The following DGKG variants were observed in gnomAD, a reference collection of about 807,000 sequenced individuals.
DGKG encodes the protein DAG kinase gamma.
A neutral mutation model predicts 105.3 loss-of-function variants in DGKG; 78 were observed. That is an observed-to-expected ratio of 0.74 (90% CI 0.62 to 0.89). The LOEUF is 0.89. Ranked by LOEUF, DGKG falls within the 40% of genes least tolerant of loss-of-function variation. The pLI, the probability that DGKG is intolerant of heterozygous loss-of-function variation, is 0.00. For synonymous variants in DGKG, 346 were observed against 367.1 expected (o/e 0.94, Z 0.66); for missense variants, 958 against 1,020.1 (o/e 0.94, Z 0.83).
intron 22 of DGKG, among the ~76,000 whole-genome samples, chr3:186,180,032 T>A (rs1476944950): frequency 6.6e-6 from 1 of 152,138 alleles, no homozygotes; most frequent in East Asian, 1.9e-4. Flanking sequence ...GGCACAGGGA[T>A]ACAGAAGGGA....
chr3:186,213,193 G>A (rs932083452), intron 20 of DGKG, among the ~76,000 whole-genome samples: 10 of 152,332 alleles, frequency 6.6e-5, no homozygotes, highest in Admixed American at 6.5e-4. Flanking sequence ...AGCAAGCTCT[G>A]GGAATTATGC....
At chr3:186,207,952 A>G in intron 21 of DGKG, among the ~76,000 whole-genome samples, 1 of 152,240 alleles carries the variant, frequency 6.6e-6, no homozygotes, top group East Asian at 1.9e-4. Flanking sequence ...CGTTTCAGAG[A>G]TGAGACCAAG....
chr3:186,188,451 T>C, intron 21 of DGKG, 72 bp from the exon 22 acceptor site: 2 of 1,394,368 alleles, frequency 1.4e-6, no homozygotes, highest in African/African-American at 2.9e-5. Context: ...TCTGTGTGTG[T>C]GCGTGCGTGT....
intron 11 of DGKG, among the ~76,000 whole-genome samples, chr3:186,269,197 G>T (rs1374285603): frequency 2.0e-5 from 3 of 152,238 alleles, no homozygotes; most frequent in East Asian, 1.9e-4. Context: ...GCAGCATCTT[G>T]TCTGGCAGTC....
intron 20 of DGKG, among the ~76,000 whole-genome samples, chr3:186,232,095 A>G (rs946883867): frequency 1.3e-5 from 2 of 152,246 alleles, no homozygotes; most frequent in Non-Finnish European, 2.9e-5. Flanking sequence ...ACCCTGCACG[A>G]TAGTAGAGCT....
chr3:186,228,083 A>G (rs529548481), intron 20 of DGKG, among the ~76,000 whole-genome samples: 2 of 152,346 alleles, frequency 1.3e-5, no homozygotes, highest in African/African-American at 4.8e-5. Context: ...CCCTGAAGGC[A>G]TCTGAAATTG....
chr3:186,344,579 G>A (rs1726241576), intron 1 of DGKG, among the ~76,000 whole-genome samples: 1 of 152,038 alleles, frequency 6.6e-6, no homozygotes, highest in Non-Finnish European at 1.5e-5. Context: ...CAACAGACAC[G>A]GATTCTACTT....
intron 20 of DGKG, among the ~76,000 whole-genome samples, chr3:186,236,954 T>C (rs1720449017): frequency 6.6e-6 from 1 of 152,242 alleles, no homozygotes; most frequent in South Asian, 2.1e-4. Flanking sequence ...AGACACTCAC[T>C]GACAGTGACA....
intron 1 of DGKG, among the ~76,000 whole-genome samples, chr3:186,323,771 C>T (rs969711914): frequency 6.6e-6 from 1 of 151,912 alleles, no homozygotes; most frequent in Admixed American, 6.6e-5. Flanking sequence ...CCCGTCTCTA[C>T]TAAAAACACA....
chr3:186,219,330 C>T (rs774599403), intron 20 of DGKG, among the ~76,000 whole-genome samples: 23 of 152,106 alleles, frequency 1.5e-4, no homozygotes, highest in Non-Finnish European at 2.6e-4. Flanking sequence ...ATCTAATCCA[C>T]GCTGCATGCT....
intron 20 of DGKG, among the ~76,000 whole-genome samples, chr3:186,237,808 T>C (rs1399676041): frequency 6.7e-6 from 1 of 150,152 alleles, no homozygotes; most frequent in Non-Finnish European, 1.5e-5. Context: ...GTTAGTTGAC[T>C]TGGTTTCTTC....
At chr3:186,259,680 C>T (rs1459705002) in intron 16 of DGKG, among the ~76,000 whole-genome samples, 2 of 151,968 alleles carry the variant, frequency 1.3e-5, no homozygotes, top group Non-Finnish European at 2.9e-5. Context: ...CCAGAGTATG[C>T]AGACAGCCCC....
At chr3:186,331,765 G>C (rs940018898) in intron 1 of DGKG, among the ~76,000 whole-genome samples, 1 of 152,190 alleles carries the variant, frequency 6.6e-6, no homozygotes, top group South Asian at 2.1e-4. Context: ...ACAATCTGAG[G>C]ATTGGTCATT....
chr3:186,265,636 C>A (rs7616641), intron 13 of DGKG, among the ~76,000 whole-genome samples: 37,726 of 146,012 alleles, frequency 0.26, 4,874 homozygotes, highest in South Asian at 0.3. Flanking sequence ...TTAGACTTGG[C>A]GACTTGGCTT....
chr3:186,194,704 C>G (rs1001833777), intron 21 of DGKG, among the ~76,000 whole-genome samples: 19 of 151,280 alleles, frequency 1.3e-4, no homozygotes, highest in Admixed American at 6.6e-5. Flanking sequence ...CTCCGGGAGG[C>G]ATGTGTCCCC....
At chr3:186,214,667 C>T (rs956520655) in intron 20 of DGKG, among the ~76,000 whole-genome samples, 8 of 152,158 alleles carry the variant, frequency 5.3e-5, no homozygotes, top group African/African-American at 1.7e-4. Flanking sequence ...ACTGGTCACA[C>T]AATTGGCCAA....
At chr3:186,213,722 T>C (rs1202667227) in intron 20 of DGKG, among the ~76,000 whole-genome samples, 2 of 152,132 alleles carry the variant, frequency 1.3e-5, no homozygotes, top group Non-Finnish European at 1.5e-5. Context: ...ATGAGAGAGT[T>C]GTGGAACGGG....
chr3:186,169,184 T>C (rs1716699586), intron 22 of DGKG, among the ~76,000 whole-genome samples: 1 of 152,224 alleles, frequency 6.6e-6, no homozygotes, highest in Non-Finnish European at 1.5e-5. Context: ...CATTAAAATA[T>C]TTACAAAGTT....
intron 24 of DGKG, chr3:186,160,198 T>C (rs1716228416): frequency 1.0e-6 from 1 of 985,360 alleles, no homozygotes; most frequent in Non-Finnish European, 1.2e-6. Context: ...TAAAGGGTGG[T>C]ATGGAGGAAG....
Sources: gnomAD v4.1 joint callset for allele counts (sites outside exome capture counted in the v4.1 genomes callset) on GRCh38, gnomAD v4.1.1 for gene constraint, MANE v1.5 for transcripts, NCBI Gene and HGNC (gene_info 2026-07-23, HGNC 2026-07-21) for gene names.